Variants in GABRB1 observed in about 807,000 individuals in gnomAD.
The protein encoded by GABRB1 is gamma-aminobutyric acid receptor subunit beta-1.
A neutral mutation model predicts 51.6 loss-of-function variants in GABRB1; 17 were observed. That is an observed-to-expected ratio of 0.33 (90% CI 0.23 to 0.49). The LOEUF is 0.49. Among genes scored for constraint, GABRB1 ranks in the 20% least tolerant of loss-of-function variants. GABRB1 has a pLI of 0.99. For missense variants in GABRB1, 410 were observed against 600.6 expected, an observed-to-expected ratio of 0.68 and a Z score of 3.32; for synonymous variants, 247 against 218.9, an observed-to-expected ratio of 1.13 and a Z score of -1.14.
rs189656432 is a variant in GABRB1 at position 47,068,678 on chromosome 4, G to T, written c.240+36194G>T. 2.1e-3 allele frequency among the ~76,000 whole-genome samples: 316 copies of T among 152,136 alleles called. 1 individual carries two copies. Among genetic ancestry groups the T allele is most frequent in the Non-Finnish European group, 1.2e-3 (83 of 67,986 alleles). On this transcript the variant is annotated intron_variant, in intron 3 of 8. Transcript: ENST00000295454. ...CTCTCTTATATGGGCATGATTCATG[G>T]CACCCTCAAACAATTACAATAGTAA...
intron 3 of GABRB1, among the ~76,000 whole-genome samples, chr4:47,054,889 T>C (rs575938346): frequency 2.2e-4 from 33 of 152,196 alleles, no homozygotes; most frequent in Admixed American, 9.8e-4. Context: ...CCGGACACTT[T>C]ATGGACAACA....
chr4:47,240,162 T>C (rs1199618329), intron 4 of GABRB1, among the ~76,000 whole-genome samples: 2 of 152,212 alleles, frequency 1.3e-5, no homozygotes, highest in Non-Finnish European at 2.9e-5. Flanking sequence ...GGATGACTTT[T>C]CCCATTTTTG....
intron 3 of GABRB1, among the ~76,000 whole-genome samples, chr4:47,056,640 C>G (rs1374493478): frequency 6.6e-6 from 1 of 151,944 alleles, no homozygotes; most frequent in African/African-American, 2.4e-5. Flanking sequence ...GCCTAAATTG[C>G]TGGGAACGTT....
At chr4:47,423,447 C>T (rs959148676) in intron 8 of GABRB1, among the ~76,000 whole-genome samples, 1 of 152,188 alleles carries the variant, frequency 6.6e-6, no homozygotes, top group Non-Finnish European at 1.5e-5. Context: ...GCTTCTTGGT[C>T]CCCGTAGGTG....
intron 5 of GABRB1, among the ~76,000 whole-genome samples, chr4:47,336,269 C>T (rs932197791): frequency 1.4e-4 from 22 of 152,134 alleles, no homozygotes; most frequent in Admixed American, 2.0e-4. Flanking sequence ...TGAATCTGAA[C>T]GGCATTTCCA....
intron 4 of GABRB1, among the ~76,000 whole-genome samples, chr4:47,276,657 T>C (rs764943910): frequency 6.6e-6 from 1 of 152,198 alleles, no homozygotes; most frequent in Non-Finnish European, 1.5e-5. Context: ...TTCCAAGTAC[T>C]CCATTTTTAA....
intron 7 of GABRB1, among the ~76,000 whole-genome samples, chr4:47,404,192 G>A (rs1454294686): frequency 6.6e-6 from 1 of 152,082 alleles, no homozygotes; most frequent in African/African-American, 2.4e-5. Context: ...TCCTTTAAAT[G>A]GAGTTTATTA....
chr4:47,016,926 G>A (rs888832587), intron 1 of GABRB1, among the ~76,000 whole-genome samples: 38 of 151,972 alleles, frequency 2.5e-4, no homozygotes, highest in African/African-American at 8.2e-4. Context: ...GATGTTTTTC[G>A]GTTTAAATGA....
chr4:47,320,177 A>T lies in GABRB1; in HGVS notation c.512A>T (p.Asp171Val). The T allele has an allele frequency of 2.5e-6, 4 of 1,606,172 alleles. No individual in the cohort carries two copies. Among genetic ancestry groups the T allele is most frequent in the Non-Finnish European group, 2.6e-6 (3 of 1,172,582 alleles). The change falls in exon 5 of 9, where the codon GAT (aspartate) becomes GTT (valine). Residue 171 changes from aspartate (D) to valine (V), a missense_variant. By Grantham distance (152) the Asp-to-Val change is radical. Coordinates refer to ENST00000295454, the MANE Select transcript of GABRB1 (RefSeq NM_000812.4). ...CMMDLRRYPL[D>V]EQNCTLEIES... ...ATGGATCTTCGAAGATATCCATTGGATGAGCAGAACTGCACCCTGGAGATC... is the reference window on the plus strand; with the variant it reads ...ATGGATCTTCGAAGATATCCATTGGTTGAGCAGAACTGCACCCTGGAGATC...
At chr4:47,397,966 T>A (rs1728236615) in intron 5 of GABRB1, among the ~76,000 whole-genome samples, 2 of 152,198 alleles carry the variant, frequency 1.3e-5, no homozygotes. Flanking sequence ...CCTGTTGGCA[T>A]TATGAGGCAA....
intron 3 of GABRB1, among the ~76,000 whole-genome samples, chr4:47,151,444 T>C (rs1717446089): frequency 1.3e-5 from 2 of 152,080 alleles, no homozygotes; most frequent in African/African-American, 4.8e-5. Flanking sequence ...GGTTTTGATA[T>C]AAACTTGATT....
At chr4:47,010,961 T>A (rs1440178006) in intron 1 of GABRB1, among the ~76,000 whole-genome samples, 1 of 152,208 alleles carries the variant, frequency 6.6e-6, no homozygotes, top group Admixed American at 6.5e-5. Flanking sequence ...ACACTTTTTT[T>A]TTTTAAACTC....
chr4:47,358,363 G>GTA (rs1350277675), intron 5 of GABRB1, among the ~76,000 whole-genome samples: 2 of 148,010 alleles, frequency 1.4e-5, no homozygotes, highest in African/African-American at 2.6e-5. Context: ...ATGTGTGTGT[G>GTA]TATATATATG....
chr4:47,026,255 T>C (rs1244807837), intron 1 of GABRB1, among the ~76,000 whole-genome samples: 1 of 152,036 alleles, frequency 6.6e-6, no homozygotes, highest in Non-Finnish European at 1.5e-5. Context: ...GTATCACTTA[T>C]TGTTGCATAG....
At chr4:47,422,385 G>A (rs1443797414) in intron 8 of GABRB1, among the ~76,000 whole-genome samples, 1 of 152,006 alleles carries the variant, frequency 6.6e-6, no homozygotes, top group Non-Finnish European at 1.5e-5. Context: ...TTTTGAAAAG[G>A]GGAGTCCATA....
chr4:47,026,080 C>T (rs1449669163), intron 1 of GABRB1, among the ~76,000 whole-genome samples: 6 of 151,838 alleles, frequency 4.0e-5, no homozygotes, highest in Non-Finnish European at 7.4e-5. Flanking sequence ...CTCTGAAGGC[C>T]GAGGTGGGAG....
chr4:47,185,086 T>C (rs1427241659), intron 4 of GABRB1, among the ~76,000 whole-genome samples: 1 of 151,900 alleles, frequency 6.6e-6, no homozygotes, highest in Non-Finnish European at 1.5e-5. Flanking sequence ...TTTACTTCTA[T>C]TGTGCCTCAA....
At chr4:47,376,482 T>C (rs1727381384) in intron 5 of GABRB1, among the ~76,000 whole-genome samples, 1 of 151,184 alleles carries the variant, frequency 6.6e-6, no homozygotes, top group African/African-American at 2.4e-5. Context: ...CCGTCTCTAC[T>C]AAAAATACAA....
chr4:47,099,674 T>G lies in GABRB1; in HGVS notation c.241-61575T>G, dbSNP rs577208190. Among the ~76,000 whole-genome samples, 22 of 152,108 alleles carry G rather than the reference T, an allele frequency of 1.4e-4. No individual in the cohort carries two copies. In the South Asian group the frequency reaches 4.4e-3, roughly 30 times the overall value. On this transcript the variant is annotated intron_variant, in intron 3 of 8. Transcript: ENST00000295454. ...AATGATGCTTCTCAGTCATCACACC[T>G]GGGGAAAAGTCTCTGTAGAGCTGGT...
Sources: gnomAD v4.1 joint callset for allele counts (sites outside exome capture counted in the v4.1 genomes callset) on GRCh38, gnomAD v4.1.1 for gene constraint, MANE v1.5 for transcripts, NCBI Gene and HGNC (gene_info 2026-07-23, HGNC 2026-07-21) for gene names.